CALCR: variants seen among roughly 807,000 people sequenced by gnomAD.
CALCR encodes calcitonin receptor.
Under a neutral mutation model 59.5 loss-of-function variants are expected in CALCR, and 47 were observed. That is an observed-to-expected ratio of 0.79 (90% confidence interval 0.63 to 1.01). CALCR has a LOEUF of 1.01. Among genes scored for constraint, CALCR ranks in the 50% least tolerant of loss-of-function variants. The pLI is 0.00. For missense variants in CALCR, 566 were observed against 597.1 expected, an observed-to-expected ratio of 0.95 and a Z score of 0.54; for synonymous variants, 213 against 211.3, an observed-to-expected ratio of 1.01 and a Z score of -0.07.
chr7:93,469,328 T>TTG lies in CALCR; in HGVS notation c.430-523_430-522insCA, dbSNP rs373807888. Among the ~76,000 whole-genome samples the TTG allele has an allele frequency of 7.3e-3, 180 of 24,530 alleles. 1 individual carries two copies. The highest frequency in any genetic ancestry group is 0.064 in the African/African-American group (165 of 2,578). 16.1% of individuals were successfully genotyped at this position (24,530 alleles called of 152,430 possible). A position where few individuals can be genotyped will look rare whatever the true frequency, so the allele number is the denominator to read the frequency against. ...CCCCTTGGCAGCCATTTGATAATTC[T>TTG]TTTTTTTTTTCACGATCATGGTTAA... On this transcript the variant is annotated intron_variant, in intron 6 of 13. Coordinates refer to ENST00000426151, the MANE Select transcript of CALCR (RefSeq NM_001742.4).
Position 93,558,816 on chromosome 7 carries a change from G to A in CALCR, c.-27+15473C>T, listed in dbSNP as rs1345420895. Among the ~76,000 whole-genome samples the A allele has an allele frequency of 2.0e-5, 3 of 152,002 alleles. No homozygotes were observed. The East Asian group carries it at 5.8e-4, about 29-fold the overall frequency. ...GAGAGTATGTCAAATGAGATCCCGG[G>A]GAAGGAATGCGAGCTTGATAGCTTG... On this transcript the variant is annotated intron_variant, in intron 2 of 13. Coordinates refer to ENST00000426151, the MANE Select transcript of CALCR (RefSeq NM_001742.4).
chr7:93,570,383 A>T (rs1789974613), intron 2 of CALCR, among the ~76,000 whole-genome samples: 1 of 152,212 alleles, frequency 6.6e-6, no homozygotes, highest in Non-Finnish European at 1.5e-5. Context: ...TGGCAGCGAT[A>T]CTTAGAGGAA....
chr7:93,461,081 G>A (rs955334442), intron 7 of CALCR, 134 bp from the exon 8 acceptor site: 8 of 686,166 alleles, frequency 1.2e-5, no homozygotes, highest in African/African-American at 1.1e-4. Flanking sequence ...AGTAAGGCTG[G>A]TCTCCTCTTT....
At chr7:93,452,781 C>T (rs1454364219) in intron 8 of CALCR, among the ~76,000 whole-genome samples, 2 of 151,804 alleles carry the variant, frequency 1.3e-5, no homozygotes, top group African/African-American at 4.8e-5. Context: ...ATTAAGAAGA[C>T]AATACCAGGG....
intron 2 of CALCR, among the ~76,000 whole-genome samples, chr7:93,516,226 C>T (rs1801647508): frequency 6.6e-6 from 1 of 151,914 alleles, no homozygotes; most frequent in Non-Finnish European, 1.5e-5. Context: ...TAATCCCAAA[C>T]TTATAAGCAA....
chr7:93,517,731 C>T (rs1391025749), intron 2 of CALCR, among the ~76,000 whole-genome samples: 2 of 151,844 alleles, frequency 1.3e-5, no homozygotes, highest in Non-Finnish European at 1.5e-5. Flanking sequence ...GCTCATTGAC[C>T]TCTTAGGATT....
intron 8 of CALCR, among the ~76,000 whole-genome samples, chr7:93,453,641 T>C (rs1165412952): frequency 6.6e-6 from 1 of 151,928 alleles, no homozygotes; most frequent in Non-Finnish European, 1.5e-5. Flanking sequence ...TAACTGCAAA[T>C]TTTGAGATGA....
intron 2 of CALCR, among the ~76,000 whole-genome samples, chr7:93,522,545 C>T (rs1801786876): frequency 6.6e-6 from 1 of 152,080 alleles, no homozygotes; most frequent in Non-Finnish European, 1.5e-5. Context: ...CAAGGATTTA[C>T]CTTATAAAAA....
intron 13 of CALCR, among the ~76,000 whole-genome samples, chr7:93,430,130 C>T (rs532098786): frequency 9.9e-5 from 15 of 151,792 alleles, no homozygotes; most frequent in Admixed American, 2.6e-4. Flanking sequence ...AGATACGGGG[C>T]TTCACTGTGT....
chr7:93,539,236 G>T (rs1316817401), intron 2 of CALCR, among the ~76,000 whole-genome samples: 18 of 152,042 alleles, frequency 1.2e-4, no homozygotes, highest in Admixed American at 1.2e-3. Context: ...GGCTTCTTGT[G>T]AATTTTGTAG....
chr7:93,441,466 GGAAATCTAGAAA>G (rs1252834127), intron 9 of CALCR: 6 of 443,852 alleles, frequency 1.4e-5, no homozygotes, highest in Non-Finnish European at 2.7e-5. Flanking sequence ...GACCAGATTT[GGAAATCTAGAAA>G]TTGTTGAGAG....
At position 93,545,331 on chromosome 7, in the gene CALCR, G is replaced by A. The variant is rs575978441; in HGVS notation, c.-27+28958C>T. 1.1e-4 allele frequency among the ~76,000 whole-genome samples: 16 copies of A among 152,048 alleles called. No individual in the cohort carries two copies. The South Asian group carries it at 3.3e-3, about 32-fold the overall frequency. ...GTTTTGTTAAATTTAGACTTAGAAG[G>A]GCAATAAATATTAAAAGAATTTCAA... is the stretch of plus-strand genomic sequence containing the variant. On this transcript the variant is annotated intron_variant, in intron 2 of 13. Coordinates refer to ENST00000426151, the MANE Select transcript of CALCR (RefSeq NM_001742.4).
At chr7:93,453,869 G>A (rs1562979667) in intron 8 of CALCR, among the ~76,000 whole-genome samples, 2 of 151,982 alleles carry the variant, frequency 1.3e-5, no homozygotes, top group Admixed American at 1.3e-4. Flanking sequence ...ATACTTTTCT[G>A]CACCATGTGA....
chr7:93,438,044 A>C lies in CALCR; in HGVS notation c.930+16T>G. 6.2e-7 allele frequency: 1 copy of C among 1,609,004 alleles called. No homozygotes were observed. The highest frequency in any genetic ancestry group is 8.5e-7 in the Non-Finnish European group (1 of 1,175,800). On this transcript the variant is annotated intron_variant, in intron 11 of 13. Transcript: ENST00000426151. ...AGATAATACTACTAATATTGCAATA[A>C]AAAACTAATTCTCACCACAAGTGCC... is the stretch of plus-strand genomic sequence containing the variant.
At position 93,426,071 on chromosome 7, in the gene CALCR, T is replaced by C. The variant is rs1799519499; in HGVS notation, c.*285A>G. Reference sequence around the variant, plus strand: ...CTGTATCTGAACTAGGTCAATTTCATTGTTTTTCTTTGATACTTTGCTTGC... The same window carrying C: ...CTGTATCTGAACTAGGTCAATTTCACTGTTTTTCTTTGATACTTTGCTTGC... On this transcript the variant is annotated 3_prime_UTR_variant, in exon 14 of 14. Coordinates refer to ENST00000426151, the MANE Select transcript of CALCR (RefSeq NM_001742.4). 6 of 308,318 alleles carry C rather than the reference T, an allele frequency of 1.9e-5. No homozygotes were observed. In the South Asian group the frequency reaches 5.2e-4, roughly 27 times the overall value. 19.1% of individuals were successfully genotyped at this position (308,318 alleles called of 1,614,324 possible).
chr7:93,427,508 T>C (rs1799555664), intron 13 of CALCR, among the ~76,000 whole-genome samples: 1 of 152,232 alleles, frequency 6.6e-6, no homozygotes, highest in African/African-American at 2.4e-5. Context: ...TTTGCATCAA[T>C]TTATGATACA....
intron 2 of CALCR, among the ~76,000 whole-genome samples, chr7:93,488,429 G>A (rs1189909747): frequency 2.0e-5 from 3 of 151,256 alleles, no homozygotes; most frequent in Non-Finnish European, 4.4e-5. Flanking sequence ...ATGTAAATGG[G>A]CTAAATGCCC....
intron 3 of CALCR, among the ~76,000 whole-genome samples, chr7:93,485,726 G>A (rs938132760): frequency 6.6e-6 from 1 of 151,358 alleles, no homozygotes; most frequent in African/African-American, 2.4e-5. Flanking sequence ...TATATTTCCA[G>A]TGACATAAAG....
In CALCR at chr7:93,477,513, TAAA is replaced by T. The variant is rs969335750; in HGVS notation, c.316+42_316+44del. 10 of 1,351,026 alleles carry T rather than the reference TAAA, an allele frequency of 7.4e-6. No individual in the cohort carries two copies. In the African/African-American group the frequency reaches 1.4e-4, roughly 19 times the overall value. 83.7% of individuals were successfully genotyped at this position (1,351,026 alleles called of 1,614,324 possible). On this transcript the variant is annotated intron_variant, in intron 5 of 13. Coordinates refer to ENST00000426151, the MANE Select transcript of CALCR (RefSeq NM_001742.4). The stretch of plus-strand genomic sequence containing the variant: ...TTTCTTCTCAAAACCATGAAAACTC[TAAA>T]AGCTTCATAGCAAGAACATAAAATG...
Sources: gnomAD v4.1 joint callset for allele counts (sites outside exome capture counted in the v4.1 genomes callset) on GRCh38, gnomAD v4.1.1 for gene constraint, MANE v1.5 for transcripts, NCBI Gene and HGNC (gene_info 2026-07-23, HGNC 2026-07-21) for gene names.